Variants in EPC2 observed in about 807,000 individuals in gnomAD.
EPC2 encodes enhancer of polycomb homolog 2.
EPC2 carries 14 observed loss-of-function variants against 92.1 expected under a neutral mutation model. The ratio of observed to expected loss-of-function variants is 0.15; its 90% CI spans 0.10 to 0.24. The LOEUF (loss-of-function observed/expected upper bound fraction) is 0.24. Among genes scored for constraint, EPC2 ranks in the 10% least tolerant of loss-of-function variants. The probability of loss-of-function intolerance (pLI) is 1.00; values close to 1 mark genes in which losing one functional copy is unlikely to be tolerated. For synonymous variants in EPC2, 340 were observed against 334.7 expected, an observed-to-expected ratio of 1.02 and a Z score of -0.17; for missense variants, 755 against 971.5, an observed-to-expected ratio of 0.78 and a Z score of 2.96.
At chr2:148,702,231 T>C (rs1681906419) in intron 2 of EPC2, among the ~76,000 whole-genome samples, 1 of 152,230 alleles carries the variant, frequency 6.6e-6, no homozygotes, top group South Asian at 2.1e-4. Context: ...GTAAGCTTTA[T>C]TTGTCATTTC....
chr2:148,728,532 G>A (rs1682542682), intron 2 of EPC2, among the ~76,000 whole-genome samples: 1 of 151,986 alleles, frequency 6.6e-6, no homozygotes, highest in African/African-American at 2.4e-5. Flanking sequence ...AGAAGTTCAA[G>A]ACCAGACTGG....
chr2:148,650,186 C>G (rs372160260), intron 1 of EPC2, among the ~76,000 whole-genome samples: 1 of 152,140 alleles, frequency 6.6e-6, no homozygotes, highest in African/African-American at 2.4e-5. Context: ...GCACATAATA[C>G]ATGCTTGCAA....
chr2:148,681,588 T>C (rs1405914105), intron 1 of EPC2, among the ~76,000 whole-genome samples: 1 of 152,204 alleles, frequency 6.6e-6, no homozygotes, highest in African/African-American at 2.4e-5. Flanking sequence ...TGAAATAACT[T>C]TTTACATTCA....
intron 1 of EPC2, among the ~76,000 whole-genome samples, chr2:148,687,460 T>G (rs113543026): frequency 1.2e-3 from 177 of 152,352 alleles, no homozygotes; most frequent in African/African-American, 3.9e-3. Flanking sequence ...ATTTTGTGAT[T>G]TCTAGTAGGC....
chr2:148,704,755 C>T (rs1256037453), intron 2 of EPC2, among the ~76,000 whole-genome samples: 2 of 152,160 alleles, frequency 1.3e-5, no homozygotes, highest in African/African-American at 4.8e-5. Flanking sequence ...GGAACAACAA[C>T]AGGGATATAA....
chr2:148,767,439 G>C (rs74576498), intron 7 of EPC2, among the ~76,000 whole-genome samples: 2,588 of 152,130 alleles, frequency 0.017, 70 homozygotes, highest in African/African-American at 0.058. Flanking sequence ...CTGATTGTTT[G>C]TATTAGGTCT....
chr2:148,705,583 G>A (rs879475728), intron 2 of EPC2, among the ~76,000 whole-genome samples: 3 of 152,230 alleles, frequency 2.0e-5, no homozygotes, highest in African/African-American at 4.8e-5. Flanking sequence ...AGTAGGGGCC[G>A]ACTGACACCT....
chr2:148,687,104 G>T (rs981083255), intron 1 of EPC2, among the ~76,000 whole-genome samples: 2 of 152,220 alleles, frequency 1.3e-5, no homozygotes, highest in African/African-American at 4.8e-5. Context: ...AGATCTTCTA[G>T]ATGACTTGTG....
chr2:148,742,784 CA>C (rs5835210), intron 2 of EPC2, among the ~76,000 whole-genome samples: 21,238 of 134,942 alleles, frequency 0.16, 2,120 homozygotes, highest in East Asian at 0.46. Flanking sequence ...GACCTTGCCT[CA>C]AAAAAAAAAA....
chr2:148,764,854 TG>T (rs1683377593), intron 6 of EPC2, 100 bp from the exon 7 acceptor site: 1 of 894,966 alleles, frequency 1.1e-6, no homozygotes, highest in Non-Finnish European at 1.5e-6. Context: ...AATCACCTCC[TG>T]GGTAAAAATG....
intron 2 of EPC2, among the ~76,000 whole-genome samples, chr2:148,734,499 T>C (rs1227965288): frequency 6.6e-6 from 1 of 152,158 alleles, no homozygotes; most frequent in African/African-American, 2.4e-5. Flanking sequence ...ACCTATAAAA[T>C]TCTATAGTAC....
chr2:148,776,933 T>G (rs1240297418), intron 10 of EPC2, among the ~76,000 whole-genome samples: 1 of 146,054 alleles, frequency 6.8e-6, no homozygotes, highest in East Asian at 2.1e-4. Flanking sequence ...CGATTCCGGC[T>G]CACTGCAATC....
intron 7 of EPC2, among the ~76,000 whole-genome samples, chr2:148,768,167 A>G (rs1683451952): frequency 2.0e-5 from 3 of 152,236 alleles, no homozygotes; most frequent in Non-Finnish European, 4.4e-5. Flanking sequence ...TGAGGTTCAG[A>G]AATTTGCAAG....
At chr2:148,645,287 A>C in intron 1 of EPC2, 117 bp downstream of exon 1, 9 of 875,514 alleles carry the variant, frequency 1.0e-5, no homozygotes, top group African/African-American at 1.7e-5. Flanking sequence ...TGCCGCTCTA[A>C]CGCACGGGAC....
At chr2:148,686,905 A>G (rs910741252) in intron 1 of EPC2, among the ~76,000 whole-genome samples, 1 of 152,196 alleles carries the variant, frequency 6.6e-6, no homozygotes, top group Non-Finnish European at 1.5e-5. Flanking sequence ...ATTGACTACA[A>G]TTAACATTAC....
intron 1 of EPC2, among the ~76,000 whole-genome samples, chr2:148,654,202 C>T (rs1680743177): frequency 1.3e-5 from 2 of 152,094 alleles, no homozygotes; most frequent in Non-Finnish European, 2.9e-5. Context: ...CTGCTTCTGC[C>T]TCCCAAAGTG....
intron 3 of EPC2, among the ~76,000 whole-genome samples, chr2:148,747,132 T>A (rs1276431732): frequency 6.6e-6 from 1 of 152,068 alleles, no homozygotes; most frequent in Non-Finnish European, 1.5e-5. Context: ...CCTAAACTAT[T>A]GAACACCCGA....
At chr2:148,683,035 C>CA (rs1034114097) in intron 1 of EPC2, among the ~76,000 whole-genome samples, 1 of 150,142 alleles carries the variant, frequency 6.7e-6, no homozygotes, top group Admixed American at 6.6e-5. Flanking sequence ...ATTAACACTG[C>CA]TTTTTTTTTC....
intron 2 of EPC2, among the ~76,000 whole-genome samples, chr2:148,694,676 A>G (rs531206646): frequency 2.0e-4 from 31 of 152,284 alleles, no homozygotes; most frequent in African/African-American, 7.2e-4. Flanking sequence ...TTGATCTCCT[A>G]TTACCTGTTT....
Sources: allele counts gnomAD v4.1 joint callset (sites outside exome capture counted in the v4.1 genomes callset), GRCh38; gene constraint gnomAD v4.1.1; transcripts MANE v1.5; gene names NCBI Gene and HGNC (gene_info 2026-07-23, HGNC 2026-07-21).